ZC3H11A: variants seen among roughly 807,000 people sequenced by gnomAD.
The protein encoded by ZC3H11A is zinc finger CCCH-type containing 11A, also known as zinc finger CCCH domain-containing protein 11A.
In ZC3H11A, 22 loss-of-function variants were observed where a neutral mutation model predicts 90.8. That is an observed-to-expected ratio of 0.24 (90% CI 0.17 to 0.35). ZC3H11A has a LOEUF of 0.35. Among genes scored for constraint, ZC3H11A ranks in the 10% least tolerant of loss-of-function variants. ZC3H11A has a pLI of 1.00. For missense variants in ZC3H11A, 701 were observed against 964.9 expected, an observed-to-expected ratio of 0.73 and a Z score of 3.62; for synonymous variants, 294 against 339.8, an observed-to-expected ratio of 0.87 and a Z score of 1.48.
At chr1:203,798,188 A>G (rs952457694) in intron 1 of ZC3H11A, 1 of 1,536,164 alleles carries the variant, frequency 6.5e-7, no homozygotes, top group Non-Finnish European at 8.7e-7. Flanking sequence ...CTACTGATCC[A>G]TTAGATGATA....
chr1:203,798,446 A>G lies in ZC3H11A; in HGVS notation c.-1588+2652A>G, dbSNP rs1421202106. ...ACTTAGGGACTTCAACACTTCAACG[A>G]CACCTGCAAGCCACACATCCTATCC... is the stretch of plus-strand genomic sequence containing the variant. On this transcript the variant is annotated intron_variant, in intron 1 of 17. Coordinates refer to ENST00000367210, the MANE Select transcript of ZC3H11A (RefSeq NM_001376342.1). 5 of 1,535,898 alleles carry G rather than the reference A, an allele frequency of 3.3e-6. No individual in the cohort carries two copies. The African/African-American group carries it at 5.5e-5, about 17-fold the overall frequency.
intron 1 of ZC3H11A, 135 bp from the exon 2 acceptor site, chr1:203,801,440 C>A (rs1289676694): frequency 6.6e-6 from 1 of 152,152 alleles, no homozygotes; most frequent in Non-Finnish European, 1.5e-5. Context: ...ATTTTAAGAT[C>A]CCTTTCTACT....
intron 3 of ZC3H11A, 99 bp downstream of exon 3, chr1:203,817,223 AT>A: frequency 1.0e-6 from 1 of 972,942 alleles, no homozygotes; most frequent in Non-Finnish European, 1.4e-6. Flanking sequence ...TTATATATAT[AT>A]TTTTTGCCCA....
chr1:203,824,007 G>A (rs1458085235), intron 4 of ZC3H11A, among the ~76,000 whole-genome samples: 1 of 152,130 alleles, frequency 6.6e-6, no homozygotes, highest in African/African-American at 2.4e-5. Context: ...CGTGGCTCAT[G>A]CCTGTAATCT....
At chr1:203,804,674 C>CTTT (rs35042121) in intron 2 of ZC3H11A, among the ~76,000 whole-genome samples, 2 of 137,664 alleles carry the variant, frequency 1.5e-5, no homozygotes, top group Non-Finnish European at 3.1e-5. Flanking sequence ...TTTGCCTCAT[C>CTTT]TTTTTTTTTT....
At chr1:203,851,357 T>G (rs572399163) in intron 17 of ZC3H11A, among the ~76,000 whole-genome samples, 3 of 152,190 alleles carry the variant, frequency 2.0e-5, no homozygotes, top group Non-Finnish European at 4.4e-5. Context: ...TGAGGCAGCG[T>G]CTCACTGTGT....
At chr1:203,797,554 C>CTT in intron 1 of ZC3H11A, 1 of 1,526,652 alleles carries the variant, frequency 6.6e-7, no homozygotes, top group Non-Finnish European at 8.7e-7. Context: ...GTACCAGTTT[C>CTT]TTCACTCTCT....
At chr1:203,798,531 A>G (rs1391055461) in intron 1 of ZC3H11A, 1 of 1,536,146 alleles carries the variant, frequency 6.5e-7, no homozygotes, top group Admixed American at 2.0e-5. Context: ...TGAAGCTGAG[A>G]CTGAGAGAAG....
intron 10 of ZC3H11A, among the ~76,000 whole-genome samples, chr1:203,836,469 G>A (rs1684369100): frequency 6.6e-6 from 1 of 152,194 alleles, no homozygotes; most frequent in African/African-American, 2.4e-5. Context: ...AAACTAGAAG[G>A]CTGGGCGCGG....
intron 4 of ZC3H11A, 113 bp downstream of exon 4, chr1:203,818,802 G>A (rs1677224584): frequency 6.7e-7 from 1 of 1,490,324 alleles, no homozygotes; most frequent in Non-Finnish European, 9.0e-7. Context: ...GAGTGCAGTG[G>A]CTCATGCCTG....
intron 2 of ZC3H11A, chr1:203,805,738 T>G (rs561478796): frequency 6.0e-6 from 4 of 668,406 alleles, no homozygotes; most frequent in Non-Finnish European, 1.1e-5. Context: ...TAAATAGAAC[T>G]CTTGGTCAGC....
At chr1:203,847,059 C>A in intron 12 of ZC3H11A, 125 bp from the exon 13 acceptor site, 3 of 1,019,476 alleles carry the variant, frequency 2.9e-6, no homozygotes, top group Non-Finnish European at 2.9e-6. Flanking sequence ...CCCTTTTGAT[C>A]CTTTTAATTG....
intron 12 of ZC3H11A, among the ~76,000 whole-genome samples, chr1:203,846,593 A>C (rs1226673284): frequency 6.6e-6 from 1 of 152,204 alleles, no homozygotes; most frequent in East Asian, 1.9e-4. Flanking sequence ...TGTAAATTAC[A>C]TGTGGACAGA....
chr1:203,797,922 A>G (rs1430394256), intron 1 of ZC3H11A: 1 of 1,535,960 alleles, frequency 6.5e-7, no homozygotes, highest in Non-Finnish European at 8.7e-7. Context: ...CAAGACCTCC[A>G]TTGTGTGGCA....
At chr1:203,822,049 G>T (rs1306331389) in intron 4 of ZC3H11A, among the ~76,000 whole-genome samples, 1 of 151,986 alleles carries the variant, frequency 6.6e-6, no homozygotes, top group Non-Finnish European at 1.5e-5. Flanking sequence ...GAGCCACCGT[G>T]CCTGGCCCTA....
intron 14 of ZC3H11A, among the ~76,000 whole-genome samples, chr1:203,849,011 T>C (rs1688646350): frequency 6.6e-6 from 1 of 152,126 alleles, no homozygotes. Context: ...CAGCCTCCCA[T>C]GTAGCTGGGA....
At chr1:203,822,180 G>A (rs1679004280) in intron 4 of ZC3H11A, among the ~76,000 whole-genome samples, 1 of 152,102 alleles carries the variant, frequency 6.6e-6, no homozygotes, top group African/African-American at 2.4e-5. Context: ...CTCTTCTCCA[G>A]AAGTGAGAAA....
At chr1:203,824,289 AAG>A (rs1679767949) in intron 4 of ZC3H11A, among the ~76,000 whole-genome samples, 1 of 151,488 alleles carries the variant, frequency 6.6e-6, no homozygotes, top group Non-Finnish European at 1.5e-5. Flanking sequence ...AAAAAAAAAA[AAG>A]AGGGAAAATA....
intron 5 of ZC3H11A, 186 bp from the exon 6 acceptor site, chr1:203,829,254 CAGTGGAGAGTT>C (rs370098946): frequency 5.4e-4 from 330 of 608,306 alleles, no homozygotes; most frequent in African/African-American, 5.4e-3. Flanking sequence ...TGTTTATGTA[CAGTGGAGAGTT>C]AGTGGAGAGT....
Sources: allele counts gnomAD v4.1 joint callset (sites outside exome capture counted in the v4.1 genomes callset), GRCh38; gene constraint gnomAD v4.1.1; transcripts MANE v1.5; gene names NCBI Gene and HGNC (gene_info 2026-07-23, HGNC 2026-07-21).